The following ASTN2 variants were observed in gnomAD, a reference collection of about 807,000 sequenced individuals.
The protein encoded by ASTN2 is astrotactin 2.
ASTN2 carries 54 observed loss-of-function variants against 139.8 expected under a neutral mutation model. The ratio of observed to expected loss-of-function variants is 0.39; its 90% CI spans 0.31 to 0.48. The LOEUF (loss-of-function observed/expected upper bound fraction) is 0.48, where lower values mean the gene tolerates loss of function less well. Ranked by LOEUF, ASTN2 falls within the 20% of genes least tolerant of loss-of-function variation. ASTN2 has a pLI of 0.95. For synonymous variants in ASTN2, 756 were observed against 719.5 expected, an observed-to-expected ratio of 1.05 and a Z score of -0.81; for missense variants, 1,565 against 1,725.1, an observed-to-expected ratio of 0.91 and a Z score of 1.64.
intron 16 of ASTN2, among the ~76,000 whole-genome samples, chr9:116,701,627 G>A (rs1362437387): frequency 6.6e-6 from 1 of 152,164 alleles, no homozygotes; most frequent in Admixed American, 6.5e-5. Flanking sequence ...TTTTGAAAGA[G>A]GTGCCATCAC....
chr9:116,611,161 A>T (rs1855520381), intron 19 of ASTN2: 1 of 152,200 alleles, frequency 6.6e-6, no homozygotes, highest in South Asian at 2.1e-4. Flanking sequence ...TTGAAAACGA[A>T]GTGGCATGCC....
chr9:117,015,373 T>A (rs1309084567), intron 6 of ASTN2, among the ~76,000 whole-genome samples: 1 of 152,190 alleles, frequency 6.6e-6, no homozygotes, highest in Non-Finnish European at 1.5e-5. Context: ...CTCCACTTAG[T>A]AACCTTTATT....
chr9:116,426,604 T>C (rs1847316926), intron 22 of ASTN2, among the ~76,000 whole-genome samples: 1 of 152,198 alleles, frequency 6.6e-6, no homozygotes, highest in Admixed American at 6.5e-5. Context: ...AGTCAGCCAC[T>C]GGAGTTGGGA....
intron 19 of ASTN2, among the ~76,000 whole-genome samples, chr9:116,601,437 G>A (rs1179768219): frequency 6.6e-6 from 1 of 152,102 alleles, no homozygotes; most frequent in Non-Finnish European, 1.5e-5. Context: ...TATTTTAACA[G>A]GTAACTCTGG....
At chr9:116,852,337 C>T (rs1458302990) in intron 11 of ASTN2, among the ~76,000 whole-genome samples, 1 of 152,166 alleles carries the variant, frequency 6.6e-6, no homozygotes, top group African/African-American at 2.4e-5. Flanking sequence ...ATACATTCAG[C>T]AATTTGTCCA....
intron 22 of ASTN2, among the ~76,000 whole-genome samples, chr9:116,432,830 T>G (rs2118834545): frequency 6.6e-6 from 1 of 152,220 alleles, no homozygotes; most frequent in Admixed American, 6.5e-5. Context: ...CTTGGGAGGC[T>G]GAGGCAGAAG....
At chr9:116,690,962 C>G (rs1204453080) in intron 16 of ASTN2, among the ~76,000 whole-genome samples, 1 of 152,170 alleles carries the variant, frequency 6.6e-6, no homozygotes, top group Non-Finnish European at 1.5e-5. Flanking sequence ...CTGTGTCACC[C>G]AGGCTGGAGT....
intron 19 of ASTN2, among the ~76,000 whole-genome samples, chr9:116,513,793 G>A (rs917430635): frequency 5.9e-5 from 9 of 151,914 alleles, no homozygotes; most frequent in South Asian, 2.1e-4. Context: ...TGATCAAATC[G>A]GCTACTGAAG....
intron 19 of ASTN2, among the ~76,000 whole-genome samples, chr9:116,609,630 G>C (rs1455086268): frequency 6.6e-6 from 1 of 151,486 alleles, no homozygotes; most frequent in Non-Finnish European, 1.5e-5. Context: ...AATGACACTA[G>C]ATGAAAACAT....
At chr9:116,478,219 T>TGGGGGAGGAAG (rs1188297825) in intron 20 of ASTN2, among the ~76,000 whole-genome samples, 4 of 42,404 alleles carry the variant, frequency 9.4e-5, no homozygotes. Context: ...GGAGGGGTAG[T>TGGGGGAGGAAG]GGGGGAGTAA....
intron 3 of ASTN2, among the ~76,000 whole-genome samples, chr9:117,162,520 T>A (rs766034170): frequency 6.6e-6 from 1 of 152,024 alleles, no homozygotes; most frequent in African/African-American, 2.4e-5. Context: ...GTGGTTAAAA[T>A]ACAGAAGAGC....
At chr9:116,546,279 C>T (rs1587977181) in intron 19 of ASTN2, 1 of 152,102 alleles carries the variant, frequency 6.6e-6, no homozygotes, top group South Asian at 2.1e-4. Flanking sequence ...AGATGACATT[C>T]CTTATGGTTT....
At chr9:116,632,206 AAAG>A (rs1214572019) in intron 17 of ASTN2, among the ~76,000 whole-genome samples, 5 of 3,608 alleles carry the variant, frequency 1.4e-3, no homozygotes, top group South Asian at 0.012. Flanking sequence ...GAAAGAAAGA[AAAG>A]AAAGAAAGAA....
At chr9:116,795,206 C>T (rs1248050465) in intron 13 of ASTN2, among the ~76,000 whole-genome samples, 3 of 152,158 alleles carry the variant, frequency 2.0e-5, no homozygotes, top group Admixed American at 6.5e-5. Context: ...TCTCGAACTC[C>T]TGACCTCGTG....
Position 116,633,018 on chromosome 9 carries a change from T to C in ASTN2, c.3073-12575A>G, listed in dbSNP as rs114377785. On this transcript the variant is annotated intron_variant, in intron 17 of 22. Coordinates refer to ENST00000313400, the MANE Select transcript of ASTN2 (RefSeq NM_001365068.1). ...TCTGAGGAAAGAAGACTGGGAGCTG[T>C]TTGGGTGTGTGATCTATGTGATCTT... Among the ~76,000 whole-genome samples, 1,131 of 152,282 alleles carry C rather than the reference T, an allele frequency of 7.4e-3. 17 individuals carry two copies. The highest frequency in any genetic ancestry group is 0.025 in the African/African-American group (1,051 of 41,546).
At chr9:117,321,156 T>C (rs1175355828) in intron 1 of ASTN2, among the ~76,000 whole-genome samples, 3 of 152,166 alleles carry the variant, frequency 2.0e-5, no homozygotes, top group Non-Finnish European at 4.4e-5. Context: ...AAGGCAACCA[T>C]GAGGTCCAAC....
chr9:117,105,735 G>A (rs537966472), intron 4 of ASTN2, among the ~76,000 whole-genome samples: 15 of 152,282 alleles, frequency 9.9e-5, no homozygotes, highest in African/African-American at 3.6e-4. Context: ...AAGATGAGCT[G>A]GTGTGGTGTC....
chr9:116,508,438 C>T (rs776563253), intron 19 of ASTN2, among the ~76,000 whole-genome samples: 3 of 152,084 alleles, frequency 2.0e-5, no homozygotes, highest in African/African-American at 7.2e-5. Context: ...ATGTGTTCAA[C>T]AGGACCAGTC....
intron 1 of ASTN2, among the ~76,000 whole-genome samples, chr9:117,381,489 T>C (rs1030671691): frequency 1.3e-5 from 2 of 152,142 alleles, no homozygotes; most frequent in Non-Finnish European, 2.9e-5. Flanking sequence ...ACCCTCAAGA[T>C]AGTGACGGAG....
Sources: allele counts gnomAD v4.1 joint callset (sites outside exome capture counted in the v4.1 genomes callset), GRCh38; gene constraint gnomAD v4.1.1; transcripts MANE v1.5; gene names NCBI Gene and HGNC (gene_info 2026-07-23, HGNC 2026-07-21).